Variants in BAHCC1 observed in about 807,000 individuals in gnomAD.
BAHCC1 encodes the protein BAH and coiled-coil domain-containing protein 1.
A neutral mutation model predicts 88.2 loss-of-function variants in BAHCC1; 43 were observed. The observed-to-expected ratio is 0.49, with a 90% CI of 0.38 to 0.63. The LOEUF (loss-of-function observed/expected upper bound fraction) is 0.63. BAHCC1 is among the 20% of genes least tolerant of loss of function. BAHCC1 has a pLI of 0.00. For synonymous variants in BAHCC1, 1,510 were observed against 745.5 expected, an observed-to-expected ratio of 2.03 and a Z score of -16.71; for missense variants, 3,023 against 1,654.8, an observed-to-expected ratio of 1.83 and a Z score of -14.34.
At chr17:81,400,210 C>A (rs2063796966) in intron 2 of BAHCC1, among the ~76,000 whole-genome samples, 1 of 152,204 alleles carries the variant, frequency 6.6e-6, no homozygotes, top group African/African-American at 2.4e-5. Context: ...CCGCCCCCTC[C>A]TGCAGATCTA....
At position 81,442,882 on chromosome 17, in the gene BAHCC1, G is replaced by A. The variant is rs550244860; in HGVS notation, c.1533G>A (p.Pro511=). ...QDCARPGHQD[P]LGGKAPQACC... ...GTGCCCGGCCTGGTCACCAGGACCCGCTGGGCGGGAAGGCCCCCCAGGCCT... is the reference window on the plus strand; with the variant it reads ...GTGCCCGGCCTGGTCACCAGGACCCACTGGGCGGGAAGGCCCCCCAGGCCT... Residue 511 remains proline (P), a synonymous_variant, in exon 5 of 28, where the codon CCG becomes CCA. Coordinates refer to ENST00000675386, the MANE Select transcript of BAHCC1 (RefSeq NM_001377448.1). The A allele has an allele frequency of 3.3e-5, 26 of 779,216 alleles. No individual in the cohort carries two copies. The highest frequency in any genetic ancestry group is 7.3e-5 in the East Asian group (3 of 41,240). 48.3% of individuals were successfully genotyped at this position (779,216 alleles called of 1,614,324 possible).
rs575573669 is a variant in BAHCC1, at chr17:81,459,597, G to A, written c.5898G>A (p.Val1966=). 18 of 779,680 alleles carry A rather than the reference G, an allele frequency of 2.3e-5. No individual in the cohort carries two copies. Among genetic ancestry groups the A allele is most frequent in the Non-Finnish European group, 4.1e-5 (17 of 417,916 alleles). The allele number at this position is 779,680 out of a possible 1,614,324, so 48.3% of individuals were successfully genotyped here. The change falls in exon 23 of 28, where the codon GTG becomes GTA. Residue 1966 remains valine (V), a synonymous_variant. Transcript: ENST00000675386. Reference sequence around the variant, plus strand: ...CTCGATGTCTGTACCCGGGCAACGTGGTCCGGGGTAAGTTGCACCCAAAGC... The same window carrying A: ...CTCGATGTCTGTACCCGGGCAACGTAGTCCGGGGTAAGTTGCACCCAAAGC... ...QKSRCLYPGN[V]VRGASGDEDE...
intron 2 of BAHCC1, among the ~76,000 whole-genome samples, chr17:81,406,147 C>T (rs2063876167): frequency 6.6e-6 from 1 of 152,242 alleles, no homozygotes; most frequent in Non-Finnish European, 1.5e-5. Context: ...GAAGCCCTCC[C>T]TCAAGACAGG....
In BAHCC1 at chr17:81,461,272, C is replaced by T. The variant is rs1555659261; in HGVS notation, c.6609C>T (p.Gly2203=). 5.7e-6 allele frequency: 4 copies of T among 700,782 alleles called. No individual in the cohort carries two copies. Among genetic ancestry groups the T allele is most frequent in the South Asian group, 1.6e-5 (1 of 64,402 alleles). The allele number at this position is 700,782 out of a possible 1,614,324, so 43.4% of individuals were successfully genotyped here. The change falls in exon 26 of 28, where the codon GGC becomes GGT. Residue 2203 remains glycine, a synonymous_variant. Coordinates refer to ENST00000675386, the MANE Select transcript of BAHCC1 (RefSeq NM_001377448.1). ...EAEKGGRRRA[G]GEFLVKLDHE... ...AGAAGGGTGGGCGGCGGCGGGCGGG[C>T]GGTGAGTTCCTGGTCAAGCTGGACC...
In BAHCC1 at chr17:81,447,347, T is replaced by C. The variant is rs782607858; in HGVS notation, c.3475T>C (p.Cys1159Arg). The change falls in exon 11 of 28, where the codon TGT (cysteine) becomes CGT (arginine). Residue 1159 changes from cysteine to arginine, a missense_variant. By Grantham distance (180) the Cys-to-Arg change is radical. Transcript: ENST00000675386. ...ACTAGAGGGGCTACAAGAACTGCAA[T>C]GTGCGGCCCTCCTGGAGGCAGGGGG... ...SPLEGLQELQ[C>R]AALLEAGGPE... 10 of 744,408 alleles carry C rather than the reference T, an allele frequency of 1.3e-5. No homozygotes were observed. In the African/African-American group the frequency reaches 1.5e-4, roughly 12 times the overall value. 46.1% of individuals were successfully genotyped at this position (744,408 alleles called of 1,614,324 possible).
At chr17:81,407,113 C>T (rs1336164006) in intron 2 of BAHCC1, among the ~76,000 whole-genome samples, 2 of 152,210 alleles carry the variant, frequency 1.3e-5, no homozygotes, top group Non-Finnish European at 2.9e-5. Context: ...CTGTGGGAGA[C>T]CCACTGTCAC....
intron 16 of BAHCC1, among the ~76,000 whole-genome samples, chr17:81,457,171 A>G (rs1295921979): frequency 6.6e-6 from 1 of 152,056 alleles, no homozygotes; most frequent in Non-Finnish European, 1.5e-5. Flanking sequence ...TGGGTGCCCT[A>G]TTGCCCAGGG....
chr17:81,453,158 C>T (rs537272946), intron 14 of BAHCC1, among the ~76,000 whole-genome samples: 1 of 152,256 alleles, frequency 6.6e-6, no homozygotes, highest in Admixed American at 6.5e-5. Flanking sequence ...CGTCCCCGCC[C>T]GGCCCCCCTG....
rs367771677 is a variant in BAHCC1 at position 81,438,377 on chromosome 17, G to T, written c.366G>T (p.Gly122=). 2.6e-6 allele frequency: 2 copies of T among 778,690 alleles called. No homozygotes were observed. Among genetic ancestry groups the T allele is most frequent in the East Asian group, 2.4e-5 (1 of 41,242 alleles). The allele number at this position is 778,690 out of a possible 1,614,324, so 48.2% of individuals were successfully genotyped here. Residue 122 remains glycine, a synonymous_variant, in exon 4 of 28, where the codon GGG becomes GGT. Coordinates refer to ENST00000675386, the MANE Select transcript of BAHCC1 (RefSeq NM_001377448.1). ...IWFSHSHEAP[G]YPRFSGSLAS... is the part of the protein sequence containing the mutation. Reference sequence around the variant, plus strand: ...GGTCTCTTGCTTCTCTAGCTCCGGGGTACCCCAGATTTTCGGGGAGTCTGG... The same window carrying T: ...GGTCTCTTGCTTCTCTAGCTCCGGGTTACCCCAGATTTTCGGGGAGTCTGG...
chr17:81,449,538 G>A (rs1474287305), intron 11 of BAHCC1, among the ~76,000 whole-genome samples: 3 of 152,186 alleles, frequency 2.0e-5, no homozygotes, highest in East Asian at 1.9e-4. Flanking sequence ...GGAGCCACAC[G>A]CCTGTAGCCT....
At chr17:81,454,501 G>A (rs935089664) in intron 14 of BAHCC1, among the ~76,000 whole-genome samples, 1 of 152,090 alleles carries the variant, frequency 6.6e-6, no homozygotes, top group African/African-American at 2.4e-5. Context: ...CGGGGTCCCT[G>A]GGGACTCAGG....
In BAHCC1 at chr17:81,459,516, G is replaced by A; in HGVS notation, c.5817G>A (p.Gln1939=). The A allele has an allele frequency of 1.3e-6, 1 of 779,446 alleles. No homozygotes were observed. Among genetic ancestry groups the A allele is most frequent in the Non-Finnish European group, 2.4e-6 (1 of 417,858 alleles). 48.3% of individuals were successfully genotyped at this position (779,446 alleles called of 1,614,324 possible). The change falls in exon 23 of 28, where the codon CAG becomes CAA. Residue 1939 remains glutamine, a synonymous_variant. Transcript: ENST00000675386. ...TGCAGGTTCTCGATGTGCGGCCACA[G>A]TCCAGCCGGTACCTCCCGCCCGGCA... The part of the protein sequence containing the change: ...LQEAVLDVRP[Q]SSRYLPPGTR...
chr17:81,415,533 C>T (rs782625814), intron 2 of BAHCC1: 10 of 515,676 alleles, frequency 1.9e-5, no homozygotes, highest in African/African-American at 5.8e-5. Flanking sequence ...TAGTGGGGGC[C>T]GGTCCCTGCC....
intron 2 of BAHCC1, among the ~76,000 whole-genome samples, chr17:81,424,605 T>G (rs1416374637): frequency 6.6e-6 from 1 of 151,664 alleles, no homozygotes; most frequent in Non-Finnish European, 1.5e-5. Flanking sequence ...GGTGTGGTTG[T>G]TGTTGAATGT....
In BAHCC1 at chr17:81,443,209, C is replaced by G. The variant is rs554025424; in HGVS notation, c.1860C>G (p.Pro620=). ...GSGLQQAALL[P]QELPAPPDEV... is the part of the protein sequence containing the mutation. ...GCCTGCAGCAGGCGGCTCTTCTGCC[C>G]CAGGAACTGCCTGCGCCGCCGGACG... Residue 620 remains proline (P), a synonymous_variant, in exon 5 of 28, where the codon CCC becomes CCG. Transcript: ENST00000675386. The G allele has an allele frequency of 2.1e-5, 16 of 779,364 alleles. No individual in the cohort carries two copies. The East Asian group carries it at 3.6e-4, about 18-fold the overall frequency. 48.3% of individuals were successfully genotyped at this position (779,364 alleles called of 1,614,324 possible).
At position 81,443,040 on chromosome 17, in the gene BAHCC1, C is replaced by T. The variant is rs781837379; in HGVS notation, c.1691C>T (p.Ala564Val). 10 of 778,152 alleles carry T rather than the reference C, an allele frequency of 1.3e-5. No individual in the cohort carries two copies. The highest frequency in any genetic ancestry group is 1.3e-5 in the South Asian group (1 of 74,572). The allele number at this position is 778,152 out of a possible 1,614,324, so 48.2% of individuals were successfully genotyped here. A position where few individuals can be genotyped will look rare whatever the true frequency, so the allele number is the denominator to read the frequency against. The change falls in exon 5 of 28, where the codon GCC becomes GTC. Residue 564 changes from alanine (A) to valine (V), a missense_variant. Transcript: ENST00000675386. Reference sequence around the variant, plus strand: ...GAGCAGGGGGGCATTGGGGCTGAGGCCAAGCGCAAGTCCCTGGAGCTGGCA... The same window carrying T: ...GAGCAGGGGGGCATTGGGGCTGAGGTCAAGCGCAAGTCCCTGGAGCTGGCA... ...EVEQGGIGAE[A>V]KRKSLELASL...
chr17:81,452,249 G>A (rs986704435), intron 13 of BAHCC1, 142 bp downstream of exon 13: 1 of 487,140 alleles, frequency 2.1e-6, no homozygotes, highest in African/African-American at 2.0e-5. Context: ...GGGTCCATCG[G>A]GGAGGCCCCC....
At position 81,441,855 on chromosome 17, in the gene BAHCC1, C is replaced by T. The variant is rs577913810; in HGVS notation, c.506C>T (p.Pro169Leu). 1.2e-5 allele frequency: 8 copies of T among 662,980 alleles called. No individual in the cohort carries two copies. Among genetic ancestry groups the T allele is most frequent in the Admixed American group, 4.6e-5 (2 of 43,330 alleles). 41.1% of individuals were successfully genotyped at this position (662,980 alleles called of 1,614,324 possible). A position where few individuals can be genotyped will look rare whatever the true frequency, so the allele number is the denominator to read the frequency against. The change falls in exon 5 of 28, where the codon CCG becomes CTG. Residue 169 changes from proline (P) to leucine (L), a missense_variant. By Grantham distance (98) the Pro-to-Leu change is moderately conservative (BLOSUM62 -3). Coordinates refer to ENST00000675386, the MANE Select transcript of BAHCC1 (RefSeq NM_001377448.1). The stretch of plus-strand genomic sequence containing the variant: ...GATAACTTCTACCTGCGCAACCTGC[C>T]GCCCCAGCCCACGCTGCTGCCGGCC... ...QKDNFYLRNL[P>L]PQPTLLPANH...
In BAHCC1 at chr17:81,447,281, A is replaced by G. The variant is rs7213444; in HGVS notation, c.3409A>G (p.Thr1137Ala). 0.74 allele frequency: 534,143 copies of G among 720,714 alleles called. 200,114 individuals carry two copies. Among genetic ancestry groups the G allele is most frequent in the Non-Finnish European group, 0.78 (305,245 of 391,092 alleles). The allele number at this position is 720,714 out of a possible 1,614,324, so 44.6% of individuals were successfully genotyped here. Residue 1137 changes from threonine (T) to alanine (A), a missense_variant, in exon 11 of 28, where the codon ACC (threonine) becomes GCC (alanine). Coordinates refer to ENST00000675386, the MANE Select transcript of BAHCC1 (RefSeq NM_001377448.1). ...TQDLAATPYP[T>A]ERGPQGKAAD... Reference sequence around the variant, plus strand: ...GGACCTTGCCGCCACCCCCTACCCTACCGAGCGGGGACCCCAGGGGAAGGC... The same window carrying G: ...GGACCTTGCCGCCACCCCCTACCCTGCCGAGCGGGGACCCCAGGGGAAGGC...
Sources: gnomAD v4.1 joint callset for allele counts (sites outside exome capture counted in the v4.1 genomes callset) on GRCh38, gnomAD v4.1.1 for gene constraint, MANE v1.5 for transcripts, NCBI Gene and HGNC (gene_info 2026-07-23, HGNC 2026-07-21) for gene names.